CSMD2: variants seen among roughly 807,000 people sequenced by gnomAD.
CSMD2 encodes the protein CUB and Sushi multiple domains 2.
Under a neutral mutation model 398.5 loss-of-function variants are expected in CSMD2, and 130 were observed. The ratio of observed to expected loss-of-function variants is 0.33; its 90% CI spans 0.28 to 0.38. The LOEUF (loss-of-function observed/expected upper bound fraction) is 0.38, where lower values mean the gene tolerates loss of function less well. CSMD2 is among the 10% of genes least tolerant of loss of function. The pLI is 1.00. For missense variants in CSMD2, 3,829 were observed against 4,764.9 expected (o/e 0.80, Z 5.78); for synonymous variants, 1,828 against 1,908.5 (o/e 0.96, Z 1.10).
At chr1:33,676,179 G>T (rs1644703343) in intron 25 of CSMD2, among the ~76,000 whole-genome samples, 1 of 152,218 alleles carries the variant, frequency 6.6e-6, no homozygotes. Context: ...GTCCCTGTTT[G>T]CAGATGACAT....
chr1:34,153,061 A>G (rs771128), intron 1 of CSMD2, among the ~76,000 whole-genome samples: 149,864 of 152,284 alleles, frequency 0.98, 73,787 homozygotes, highest in Middle Eastern at 1. Flanking sequence ...CTGTCACCCC[A>G]GGTGGAATGC....
At chr1:33,524,404 G>A (rs1310218946) in intron 66 of CSMD2, among the ~76,000 whole-genome samples, 1 of 152,142 alleles carries the variant, frequency 6.6e-6, no homozygotes, top group Non-Finnish European at 1.5e-5. Flanking sequence ...TCGCCAAATT[G>A]TTTTCCCAGA....
In CSMD2 at chr1:33,519,849, T is replaced by G. The variant is rs776019229; in HGVS notation, c.10699A>C (p.Ile3567Leu). 6 of 1,613,898 alleles carry G rather than the reference T, an allele frequency of 3.7e-6. No individual in the cohort carries two copies. The highest frequency in any genetic ancestry group is 5.1e-6 in the Non-Finnish European group (6 of 1,179,948). The stretch of plus-strand genomic sequence containing the variant: ...AGATAGAGCACGAAGCCCGCAATAA[T>G]GAGGGCGATGAAAGGCACCAGGATC... ...AAILVPFIAL[I>L]IAGFVLYLYK... is the part of the protein sequence containing the mutation. The change falls in exon 69 of 71, where the codon ATT becomes CTT. Residue 3567 changes from isoleucine to leucine, a missense_variant. Physicochemically the swap from Ile to Leu is conservative, Grantham distance 5. Coordinates refer to ENST00000373381, the MANE Select transcript of CSMD2 (RefSeq NM_001281956.2). This position sits in a 1 kb window ranked among gnomAD's most constrained non-coding sequence, Gnocchi z 5.6.
intron 13 of CSMD2, among the ~76,000 whole-genome samples, chr1:33,751,682 C>A (rs184368828): frequency 6.6e-6 from 1 of 152,140 alleles, no homozygotes; most frequent in Non-Finnish European, 1.5e-5. Flanking sequence ...AGTGCAGTGG[C>A]GCAATCTTGG....
intron 32 of CSMD2, among the ~76,000 whole-genome samples, chr1:33,628,217 G>C (rs890867210): frequency 6.6e-6 from 1 of 152,064 alleles, no homozygotes; most frequent in African/African-American, 2.4e-5. Context: ...CAGTGAAGTC[G>C]AGATGAAATT....
rs1391761183 is a variant in CSMD2, at chr1:33,773,883, T to A, written c.1664-1132A>T. 3.3e-5 allele frequency among the ~76,000 whole-genome samples: 5 copies of A among 152,156 alleles called. No individual in the cohort carries two copies. In the South Asian group the frequency reaches 8.3e-4, roughly 25 times the overall value. ...GACCCTGCCTGTTCGGTAGACACCA[T>A]CATGGGCTGTCAGAGCCACAGTCCC... On this transcript the variant is annotated intron_variant, in intron 12 of 70. Transcript: ENST00000373381.
intron 40 of CSMD2, among the ~76,000 whole-genome samples, chr1:33,612,087 C>A (rs1426684490): frequency 6.6e-6 from 1 of 152,284 alleles, no homozygotes; most frequent in Middle Eastern, 3.4e-3. Context: ...TGGGCATTTG[C>A]TGTACATCAG....
chr1:33,993,159 T>C (rs1006897972), intron 3 of CSMD2, among the ~76,000 whole-genome samples: 20 of 152,132 alleles, frequency 1.3e-4, no homozygotes, highest in Non-Finnish European at 1.8e-4. Context: ...TGTGAATGTA[T>C]AGAAAAGAAC....
At chr1:34,156,963 G>A (rs777786371) in intron 1 of CSMD2, among the ~76,000 whole-genome samples, 4 of 152,134 alleles carry the variant, frequency 2.6e-5, no homozygotes, top group Non-Finnish European at 5.9e-5. Context: ...TCCATCCTCG[G>A]CTTTCCTTTC....
At chr1:33,790,835 A>ATCTG (rs1654206593) in intron 11 of CSMD2, among the ~76,000 whole-genome samples, 1 of 149,616 alleles carries the variant, frequency 6.7e-6, no homozygotes, top group African/African-American at 2.5e-5. Flanking sequence ...CTATCTATCT[A>ATCTG]TCTATCTATC....
In CSMD2 at chr1:33,578,454, C is replaced by T. The variant is rs549471794; in HGVS notation, c.7388-970G>A. On this transcript the variant is annotated intron_variant, in intron 48 of 70. Transcript: ENST00000373381. Reference sequence around the variant, plus strand: ...TTGGCCAGGCGTGGTGGTGCGTGCCCGTAGTCCCAGCTACTCGGGAGGCTA... The same window carrying T: ...TTGGCCAGGCGTGGTGGTGCGTGCCTGTAGTCCCAGCTACTCGGGAGGCTA... Among the ~76,000 whole-genome samples the T allele has an allele frequency of 3.8e-4, 58 of 152,058 alleles. No homozygotes were observed. The East Asian group carries it at 9.9e-3, about 26-fold the overall frequency.
intron 3 of CSMD2, among the ~76,000 whole-genome samples, chr1:33,995,082 A>G (rs1646683984): frequency 6.6e-6 from 1 of 152,078 alleles, no homozygotes. Context: ...AAAAGAAAAA[A>G]AAAAAAAAGA....
intron 13 of CSMD2, among the ~76,000 whole-genome samples, chr1:33,768,298 A>G (rs1038607293): frequency 1.3e-5 from 2 of 152,132 alleles, no homozygotes; most frequent in African/African-American, 4.8e-5. Context: ...ATATTTGGCA[A>G]TGTCTAGAGA....
chr1:33,748,289 G>A (rs1647670134), intron 13 of CSMD2, among the ~76,000 whole-genome samples: 2 of 152,194 alleles, frequency 1.3e-5, no homozygotes, highest in Non-Finnish European at 2.9e-5. Context: ...TGTCGCAAAT[G>A]AGGGATTTTT....
intron 10 of CSMD2, among the ~76,000 whole-genome samples, chr1:33,809,439 C>T (rs1354946482): frequency 1.3e-5 from 2 of 151,890 alleles, no homozygotes; most frequent in Non-Finnish European, 2.9e-5. Context: ...TAGGAAGATG[C>T]TTCATAAAAT....
chr1:33,709,283 T>G, intron 21 of CSMD2, 25 bp from the exon 22 acceptor site: 4 of 1,602,788 alleles, frequency 2.5e-6, no homozygotes, highest in Non-Finnish European at 3.4e-6. Flanking sequence ...ACAATAACCA[T>G]AGATTAACCC....
At chr1:33,657,829 T>C in intron 27 of CSMD2, 117 bp downstream of exon 27, 3 of 1,008,904 alleles carry the variant, frequency 3.0e-6, no homozygotes, top group South Asian at 1.6e-5. Context: ...TCTGCAACTT[T>C]TGTCTGTTTC....
At chr1:34,044,554 G>C (rs1431293943) in intron 2 of CSMD2, among the ~76,000 whole-genome samples, 1 of 150,946 alleles carries the variant, frequency 6.6e-6, no homozygotes, top group Non-Finnish European at 1.5e-5. Context: ...CAGCCATGAG[G>C]CTGCTGACAC....
chr1:33,880,737 T>C (rs1312032710), intron 5 of CSMD2, among the ~76,000 whole-genome samples: 3 of 152,236 alleles, frequency 2.0e-5, no homozygotes, highest in Non-Finnish European at 4.4e-5. Flanking sequence ...AAAGCTCATA[T>C]TGGTACAATT....
Sources: gnomAD v4.1 joint callset for allele counts (sites outside exome capture counted in the v4.1 genomes callset) on GRCh38, gnomAD v4.1.1 for gene constraint, Gnocchi (gnomAD v3.1) non-coding constraint, MANE v1.5 for transcripts, NCBI Gene and HGNC (gene_info 2026-07-23, HGNC 2026-07-21) for gene names.